ZFHX4: variants seen among roughly 807,000 people sequenced by gnomAD.
ZFHX4 encodes the protein zinc finger homeobox 4, also known as zinc finger homeobox protein 4.
In ZFHX4, 56 loss-of-function variants were observed where a neutral mutation model predicts 267.6. The observed-to-expected ratio is 0.21, with a 90% confidence interval of 0.17 to 0.26. ZFHX4 has a LOEUF of 0.26. ZFHX4 is among the 10% of genes least tolerant of loss of function. The pLI is 1.00. For synonymous variants in ZFHX4, 1,778 were observed against 1,665.6 expected, an observed-to-expected ratio of 1.07 and a Z score of -1.64; for missense variants, 4,332 against 4,420.0, an observed-to-expected ratio of 0.98 and a Z score of 0.56.
chr8:76,727,878 T>C (rs956799981), intron 3 of ZFHX4, among the ~76,000 whole-genome samples: 2 of 152,102 alleles, frequency 1.3e-5, no homozygotes, highest in African/African-American at 4.8e-5. Context: ...TCAGCAGGAT[T>C]AGACAGCTAG....
At chr8:76,841,986 G>A (rs528610606) in intron 5 of ZFHX4, among the ~76,000 whole-genome samples, 2 of 152,154 alleles carry the variant, frequency 1.3e-5, no homozygotes, top group Admixed American at 6.5e-5. Context: ...TAATTAAATA[G>A]GGTTGAGTTA....
At chr8:76,824,472 A>T (rs188122619) in intron 4 of ZFHX4, among the ~76,000 whole-genome samples, 311 of 152,316 alleles carry the variant, frequency 2.0e-3, no homozygotes, top group African/African-American at 7.1e-3. Flanking sequence ...TGGGGAGCAG[A>T]GGATCCCTTC....
rs1585995598 is a variant in ZFHX4 at position 76,837,588 on chromosome 8, G to A, written c.3394+4182G>A. On this transcript the variant is annotated intron_variant, in intron 5 of 10. Transcript: ENST00000651372. ...GAAATAGGGGCTGGGGTAGCATGTGGACTCTTCCTTTTCTTTCCCAAATTT... is the reference window on the plus strand; with the variant it reads ...GAAATAGGGGCTGGGGTAGCATGTGAACTCTTCCTTTTCTTTCCCAAATTT... 5.3e-5 allele frequency among the ~76,000 whole-genome samples: 8 copies of A among 151,794 alleles called. No individual in the cohort carries two copies. The South Asian group carries it at 1.7e-3, about 32-fold the overall frequency.
At chr8:76,753,629 C>A (rs1015422349) in intron 3 of ZFHX4, among the ~76,000 whole-genome samples, 1 of 117,406 alleles carries the variant, frequency 8.5e-6, no homozygotes, top group Non-Finnish European at 1.8e-5. Context: ...CGTCTTAGGC[C>A]TTTTTTTTTT....
At chr8:76,714,001 C>T (rs561875135) in intron 3 of ZFHX4, among the ~76,000 whole-genome samples, 1 of 152,236 alleles carries the variant, frequency 6.6e-6, no homozygotes, top group East Asian at 1.9e-4. Flanking sequence ...CCATTCATGT[C>T]AACTCCTACT....
chr8:76,790,773 AT>A (rs1810815287), intron 4 of ZFHX4, among the ~76,000 whole-genome samples: 1 of 152,052 alleles, frequency 6.6e-6, no homozygotes, highest in Admixed American at 6.6e-5. Flanking sequence ...GGACAGCCCC[AT>A]TTTTAATCCA....
chr8:76,686,377 T>G (rs1372766846), intron 1 of ZFHX4, among the ~76,000 whole-genome samples: 2 of 152,168 alleles, frequency 1.3e-5, no homozygotes, highest in East Asian at 3.8e-4. Flanking sequence ...TAATATATGA[T>G]TTTTGGACTG....
chr8:76,747,299 G>A (rs774155961), intron 3 of ZFHX4, among the ~76,000 whole-genome samples: 8 of 152,028 alleles, frequency 5.3e-5, no homozygotes, highest in African/African-American at 7.3e-5. Context: ...TAGGTTCAGG[G>A]GGTACATGTA....
chr8:76,702,825 C>T (rs527397577), intron 1 of ZFHX4, among the ~76,000 whole-genome samples: 7 of 152,064 alleles, frequency 4.6e-5, no homozygotes, highest in African/African-American at 1.2e-4. Flanking sequence ...TGTTACAGGC[C>T]GAAAATAAAC....
intron 1 of ZFHX4, among the ~76,000 whole-genome samples, chr8:76,689,239 A>G (rs562511605): frequency 6.6e-6 from 1 of 152,152 alleles, no homozygotes; most frequent in East Asian, 1.9e-4. Flanking sequence ...TTTAAAAAAT[A>G]AATTCATTTA....
intron 1 of ZFHX4, among the ~76,000 whole-genome samples, chr8:76,697,129 G>A (rs999159241): frequency 6.6e-6 from 1 of 151,906 alleles, no homozygotes; most frequent in African/African-American, 2.4e-5. Flanking sequence ...CATATTGGTA[G>A]CAATTGTGAA....
At chr8:76,732,833 T>C (rs73347375) in intron 3 of ZFHX4, among the ~76,000 whole-genome samples, 7,718 of 152,250 alleles carry the variant, frequency 0.051, 403 homozygotes, top group East Asian at 0.24. Context: ...TTTTTCAGTC[T>C]TTCCTTTCAG....
In ZFHX4 at chr8:76,852,703, A is replaced by C. The variant is rs1812569386; in HGVS notation, c.5782A>C (p.Arg1928=). 6.2e-7 allele frequency: 1 copy of C among 1,613,828 alleles called. No homozygotes were observed. Among genetic ancestry groups the C allele is most frequent in the Non-Finnish European group, 8.5e-7 (1 of 1,179,876 alleles). Residue 1928 remains arginine, a synonymous_variant, in exon 10 of 11, where the codon AGG becomes CGG. Coordinates refer to ENST00000651372, the MANE Select transcript of ZFHX4 (RefSeq NM_024721.5). ...FELVIQYNEN[R]QKVQKKGKSG... is the part of the protein sequence containing the mutation. ...ACTGGTCATTCAGTATAACGAAAAC[A>C]GGCAGAAGGTACAGAAGAAGGGCAA...
In ZFHX4 at chr8:76,854,182, C is replaced by G. The variant is rs201498304; in HGVS notation, c.7261C>G (p.Pro2421Ala). The part of the protein sequence containing the change: ...EKPKQSDPSP[P>A]SQGTKPALPL... The stretch of plus-strand genomic sequence containing the variant: ...GCCAAAGCAGAGTGACCCCTCTCCC[C>G]CTTCTCAAGGCACCAAACCAGCCCT... The change falls in exon 10 of 11, where the codon CCT (proline) becomes GCT (alanine). Residue 2421 changes from proline to alanine, a missense_variant. Transcript: ENST00000651372. 2.1e-4 allele frequency: 334 copies of G among 1,578,332 alleles called. 5 individuals are homozygous for G. Among genetic ancestry groups the G allele is most frequent in the Middle Eastern group, 3.3e-4 (2 of 6,028 alleles).
chr8:76,691,843 A>C (rs1807832684), intron 1 of ZFHX4, among the ~76,000 whole-genome samples: 1 of 152,110 alleles, frequency 6.6e-6, no homozygotes, highest in South Asian at 2.1e-4. Flanking sequence ...TTTTTTCCCA[A>C]TGGTTGTTTC....
At chr8:76,685,550 C>A (rs924160796) in intron 1 of ZFHX4, among the ~76,000 whole-genome samples, 1 of 152,116 alleles carries the variant, frequency 6.6e-6, no homozygotes, top group African/African-American at 2.4e-5. Context: ...ATAATATATA[C>A]GTTTATGTAA....
intron 1 of ZFHX4, among the ~76,000 whole-genome samples, chr8:76,699,946 G>GGTCT: frequency 6.6e-6 from 1 of 151,590 alleles, no homozygotes; most frequent in East Asian, 1.9e-4. Context: ...TACTTGTGAA[G>GGTCT]GTCTATTCAT....
At chr8:76,808,062 T>C (rs948624597) in intron 4 of ZFHX4, among the ~76,000 whole-genome samples, 18 of 152,102 alleles carry the variant, frequency 1.2e-4, no homozygotes, top group Non-Finnish European at 4.4e-5. Flanking sequence ...ATATATACAG[T>C]ATTTCCAATA....
chr8:76,829,480 A>G (rs888345423), intron 4 of ZFHX4, among the ~76,000 whole-genome samples: 1 of 152,002 alleles, frequency 6.6e-6, no homozygotes, highest in African/African-American at 2.4e-5. Flanking sequence ...AGGTAGTGAG[A>G]GAGAGGGCTG....
Sources: gnomAD v4.1 joint callset for allele counts (sites outside exome capture counted in the v4.1 genomes callset) on GRCh38, gnomAD v4.1.1 for gene constraint, MANE v1.5 for transcripts, NCBI Gene and HGNC (gene_info 2026-07-23, HGNC 2026-07-21) for gene names.